The following EPHA6 variants were observed in gnomAD, a reference collection of about 807,000 sequenced individuals.
EPHA6 encodes ephrin type-A receptor 6.
Under a neutral mutation model 112.0 loss-of-function variants are expected in EPHA6, and 50 were observed. That is an observed-to-expected ratio of 0.45 (90% CI 0.36 to 0.56). EPHA6 has a LOEUF of 0.56. Ranked by LOEUF, EPHA6 falls within the 20% of genes least tolerant of loss-of-function variation. The pLI is 0.00. For missense variants in EPHA6, 1,280 were observed against 1,417.4 expected, an observed-to-expected ratio of 0.90 and a Z score of 1.56; for synonymous variants, 529 against 490.7, an observed-to-expected ratio of 1.08 and a Z score of -1.03.
chr3:97,286,340 T>A (rs569724901), intron 5 of EPHA6, among the ~76,000 whole-genome samples: 3 of 152,332 alleles, frequency 2.0e-5, no homozygotes, highest in Non-Finnish European at 2.9e-5. Flanking sequence ...TTGTTCTTTA[T>A]GTTTTCTCCT....
At chr3:96,836,452 G>A (rs1425542795) in intron 1 of EPHA6, among the ~76,000 whole-genome samples, 2 of 152,116 alleles carry the variant, frequency 1.3e-5, no homozygotes, top group East Asian at 1.9e-4. Flanking sequence ...TTACAAGGTT[G>A]TTGTAGCAAT....
In EPHA6 at chr3:96,864,535, A is replaced by G. The variant is rs570280450; in HGVS notation, c.386-2290A>G. On this transcript the variant is annotated intron_variant, in intron 1 of 17. Coordinates refer to ENST00000389672, the MANE Select transcript of EPHA6 (RefSeq NM_001080448.3). ...AAATCAGATTAGTGGTTACCAGAGG[A>G]TGGGGTAGGAAAGGGATTTCTTATA... Among the ~76,000 whole-genome samples, 5 of 152,154 alleles carry G rather than the reference A, an allele frequency of 3.3e-5. No individual in the cohort carries two copies. The East Asian group carries it at 9.7e-4, about 29-fold the overall frequency.
intron 9 of EPHA6, chr3:97,481,096 TCTCGA>T (rs1280961446): frequency 3.8e-6 from 2 of 523,272 alleles, no homozygotes; most frequent in Non-Finnish European, 7.4e-6. Context: ...GAGGCTGCAA[TCTCGA>T]CACTTTGGGA....
intron 7 of EPHA6, among the ~76,000 whole-genome samples, chr3:97,452,848 A>G (rs1377944781): frequency 6.6e-6 from 1 of 151,714 alleles, no homozygotes; most frequent in Admixed American, 6.6e-5. Flanking sequence ...GCTCAAATTT[A>G]TTATTATTTC....
chr3:96,892,266 G>T (rs1159161100), intron 2 of EPHA6, among the ~76,000 whole-genome samples: 1 of 152,060 alleles, frequency 6.6e-6, no homozygotes, highest in Non-Finnish European at 1.5e-5. Context: ...TGTCGCCCAG[G>T]CTGGAGTACA....
At chr3:97,052,011 G>T (rs978997219) in intron 3 of EPHA6, among the ~76,000 whole-genome samples, 1 of 151,990 alleles carries the variant, frequency 6.6e-6, no homozygotes, top group Non-Finnish European at 1.5e-5. Context: ...TTATCATTAT[G>T]TGCCAACTAT....
chr3:97,636,931 A>G (rs1473646657), intron 13 of EPHA6, among the ~76,000 whole-genome samples: 1 of 152,126 alleles, frequency 6.6e-6, no homozygotes, highest in Admixed American at 6.6e-5. Context: ...ATTAAAGACA[A>G]CAATCTCCGA....
At position 97,443,209 on chromosome 3, in the gene EPHA6, C is replaced by T. The variant is rs147307527; in HGVS notation, c.1732-5359C>T. Reference sequence around the variant, plus strand: ...GCAGGGTGAGGAAGTCAAACAGAAACGGAGAGAGAAAGGATGTAAATGACT... The same window carrying T: ...GCAGGGTGAGGAAGTCAAACAGAAATGGAGAGAGAAAGGATGTAAATGACT... On this transcript the variant is annotated intron_variant, in intron 6 of 17. Coordinates refer to ENST00000389672, the MANE Select transcript of EPHA6 (RefSeq NM_001080448.3). Among the ~76,000 whole-genome samples the T allele has an allele frequency of 5.5e-3, 830 of 151,774 alleles. 6 individuals are homozygous for T. The highest frequency in any genetic ancestry group is 0.017 in the African/African-American group (704 of 41,396).
chr3:97,141,360 T>C (rs1576559960), intron 3 of EPHA6, among the ~76,000 whole-genome samples: 1 of 152,076 alleles, frequency 6.6e-6, no homozygotes, highest in Admixed American at 6.6e-5. Context: ...ATGTTCTACC[T>C]ATCAGCCGCA....
chr3:97,488,546 T>C (rs1242992183), intron 10 of EPHA6, among the ~76,000 whole-genome samples: 65 of 152,208 alleles, frequency 4.3e-4, no homozygotes, highest in Admixed American at 4.3e-3. Flanking sequence ...TATTATTTTT[T>C]AGTTATCTTA....
intron 3 of EPHA6, among the ~76,000 whole-genome samples, chr3:97,024,105 A>T (rs2044555145): frequency 6.6e-6 from 1 of 152,156 alleles, no homozygotes; most frequent in African/African-American, 2.4e-5. Context: ...ATACAAATAA[A>T]TATACCCTAT....
intron 5 of EPHA6, among the ~76,000 whole-genome samples, chr3:97,321,171 CTGGATTCATCAA>C (rs370022875): frequency 0.01 from 1,579 of 152,000 alleles, 38 homozygotes; most frequent in African/African-American, 0.037. Context: ...AGGCAGTAGG[CTGGATTCATCAA>C]TGCTGAAATG....
At chr3:97,623,385 G>A (rs1036220018) in intron 13 of EPHA6, among the ~76,000 whole-genome samples, 3 of 151,636 alleles carry the variant, frequency 2.0e-5, no homozygotes, top group South Asian at 2.1e-4. Context: ...AATAATCTTG[G>A]CACCCTTTTC....
At chr3:96,912,089 C>A (rs920929693) in intron 2 of EPHA6, among the ~76,000 whole-genome samples, 2 of 152,054 alleles carry the variant, frequency 1.3e-5, no homozygotes, top group East Asian at 3.9e-4. Flanking sequence ...AGACAAGATT[C>A]ACTTTTCAAA....
intron 2 of EPHA6, among the ~76,000 whole-genome samples, chr3:96,923,746 ATT>A (rs2039893778): frequency 6.6e-6 from 1 of 151,872 alleles, no homozygotes; most frequent in Non-Finnish European, 1.5e-5. Context: ...TCTTCTAGAG[ATT>A]TTATAGTTTT....
chr3:97,251,309 T>A (rs972471124), intron 5 of EPHA6, among the ~76,000 whole-genome samples: 1 of 152,006 alleles, frequency 6.6e-6, no homozygotes, highest in African/African-American at 2.4e-5. Context: ...GGCAGGCGGA[T>A]CACGAGGTCA....
At chr3:97,246,781 T>C (rs1312483139) in intron 5 of EPHA6, among the ~76,000 whole-genome samples, 1 of 151,890 alleles carries the variant, frequency 6.6e-6, no homozygotes, top group Non-Finnish European at 1.5e-5. Flanking sequence ...TGTCATAATT[T>C]TGAGAGATAC....
At chr3:96,908,585 T>G (rs2107595952) in intron 2 of EPHA6, among the ~76,000 whole-genome samples, 1 of 152,062 alleles carries the variant, frequency 6.6e-6, no homozygotes, top group African/African-American at 2.4e-5. Context: ...TTCAGTGGTT[T>G]CCATTTTATC....
At chr3:97,691,629 A>T (rs1000249375) in intron 14 of EPHA6, among the ~76,000 whole-genome samples, 1 of 152,208 alleles carries the variant, frequency 6.6e-6, no homozygotes, top group Admixed American at 6.5e-5. Context: ...CAAGCTTTAG[A>T]TATTATCATA....
Sources: allele counts gnomAD v4.1 joint callset (sites outside exome capture counted in the v4.1 genomes callset), GRCh38; gene constraint gnomAD v4.1.1; transcripts MANE v1.5; gene names NCBI Gene and HGNC (gene_info 2026-07-23, HGNC 2026-07-21).